The following LEMD1 variants were observed in gnomAD, a reference collection of about 807,000 sequenced individuals.
The protein encoded by LEMD1 is LEM domain containing 1.
A neutral mutation model predicts 17.4 loss-of-function variants in LEMD1; 18 were observed. That is an observed-to-expected ratio of 1.04 (90% CI 0.72 to 1.54). The LOEUF (loss-of-function observed/expected upper bound fraction) is 1.54, where lower values mean the gene tolerates loss of function less well. LEMD1 is among the 40% of genes most tolerant of loss of function. The probability of loss-of-function intolerance (pLI) is 0.00; values close to 1 mark genes in which losing one functional copy is unlikely to be tolerated. For missense variants in LEMD1, 195 were observed against 210.4 expected (o/e 0.93, Z 0.45); for synonymous variants, 88 against 77.8 (o/e 1.13, Z -0.69).
intron 1 of LEMD1, among the ~76,000 whole-genome samples, chr1:205,421,485 T>C (rs1665956566): frequency 6.6e-6 from 1 of 152,222 alleles, no homozygotes; most frequent in African/African-American, 2.4e-5. Context: ...ATGACTTTGC[T>C]TTTGTTGGTG....
In LEMD1 at chr1:205,384,287, CCTT is replaced by C; in HGVS notation, c.345_347del (p.Arg116del). 1 of 1,485,804 alleles carries C rather than the reference CCTT, an allele frequency of 6.7e-7. No individual in the cohort carries two copies. Among genetic ancestry groups the C allele is most frequent in the South Asian group, 1.3e-5 (1 of 74,438 alleles). 92.0% of individuals were successfully genotyped at this position (1,485,804 alleles called of 1,614,324 possible). A position where few individuals can be genotyped will look rare whatever the true frequency, so the allele number is the denominator to read the frequency against. ...CCACATATGCTAAAAAACATCATTA[CCTT>C]CTTCCCTTGGAAGGCTTATAATCCA... On this transcript the variant is annotated inframe_deletion and splice_region_variant, in exon 5 of 6. Coordinates refer to ENST00000367153, the MANE Select transcript of LEMD1 (RefSeq NM_001199050.2).
At chr1:205,414,457 T>C (rs956877783) in intron 4 of LEMD1, among the ~76,000 whole-genome samples, 9 of 151,498 alleles carry the variant, frequency 5.9e-5, no homozygotes, top group Non-Finnish European at 1.0e-4. Flanking sequence ...TGGGGTCTCA[T>C]GCTATTGCCC....
In LEMD1 at chr1:205,384,296, C is replaced by A; in HGVS notation, c.339G>T (p.Lys113Asn). 6.7e-7 allele frequency: 1 copy of A among 1,502,758 alleles called. No individual in the cohort carries two copies. 93.1% of individuals were successfully genotyped at this position (1,502,758 alleles called of 1,614,324 possible). A position where few individuals can be genotyped will look rare whatever the true frequency, so the allele number is the denominator to read the frequency against. Residue 113 changes from lysine to asparagine, a missense_variant, in exon 5 of 6, where the codon AAG becomes AAT. Coordinates refer to ENST00000367153, the MANE Select transcript of LEMD1 (RefSeq NM_001199050.2). ...DTYCLDYKPSKGRRWAARAPS... is the reference protein window; with the variant it reads ...DTYCLDYKPSNGRRWAARAPS... ...CTAAAAAACATCATTACCTTCTTCC[C>A]TTGGAAGGCTTATAATCCAAGCAAT...
intron 4 of LEMD1, among the ~76,000 whole-genome samples, chr1:205,411,122 G>C (rs183571297): frequency 2.6e-4 from 36 of 136,722 alleles, no homozygotes; most frequent in African/African-American, 8.7e-4. Context: ...GAAGGAGGGA[G>C]GGAGGGAAAG....
Position 205,381,518 on chromosome 1 carries a change from G to C in LEMD1, c.*140C>G, listed in dbSNP as rs990560494. On this transcript the variant is annotated 3_prime_UTR_variant, in exon 6 of 6. Coordinates refer to ENST00000367153, the MANE Select transcript of LEMD1 (RefSeq NM_001199050.2). ...TTCCACCTGGCTGAGCCCAGACACC[G>C]ATCTGTGAGAGCAGCACAGTGCAAG... The C allele has an allele frequency of 2.5e-6, 2 of 794,062 alleles. No individual in the cohort carries two copies. Among genetic ancestry groups the C allele is most frequent in the East Asian group, 2.5e-5 (1 of 40,480 alleles). 49.2% of individuals were successfully genotyped at this position (794,062 alleles called of 1,614,324 possible). A position where few individuals can be genotyped will look rare whatever the true frequency, so the allele number is the denominator to read the frequency against.
upstream of LEMD1, among the ~76,000 whole-genome samples, chr1:205,424,605 G>A (rs1666031603): frequency 6.6e-6 from 1 of 152,182 alleles, no homozygotes; most frequent in Non-Finnish European, 1.5e-5. Context: ...AAAGAATGCT[G>A]CAGGAGCCCA....
upstream of LEMD1, among the ~76,000 whole-genome samples, chr1:205,424,747 G>T (rs910845779): frequency 6.6e-6 from 1 of 152,180 alleles, no homozygotes; most frequent in Admixed American, 6.5e-5. Context: ...AGTAAGTCGG[G>T]TTGAATAGGT....
At chr1:205,430,277 C>A (rs1351925426) in intron 1 of LEMD1, among the ~76,000 whole-genome samples, 1 of 152,226 alleles carries the variant, frequency 6.6e-6, no homozygotes, top group African/African-American at 2.4e-5. Context: ...AAGCCCCCAG[C>A]TCCTTCCCTC....
chr1:205,431,602 C>T lies in LEMD1; in HGVS notation c.-38-11028G>A, dbSNP rs191669962. Reference sequence around the variant, plus strand: ...GAAGGTTGGTGGAGGCAGAGTTCCACCCACTTTATAAGTAGGGGAAACTGA... The same window carrying T: ...GAAGGTTGGTGGAGGCAGAGTTCCATCCACTTTATAAGTAGGGGAAACTGA... On this transcript the variant is annotated intron_variant, in intron 1 of 3. Transcript: ENST00000367154. 5.9e-5 allele frequency among the ~76,000 whole-genome samples: 9 copies of T among 152,340 alleles called. No individual in the cohort carries two copies. The South Asian group carries it at 1.7e-3, about 28-fold the overall frequency.
intron 1 of LEMD1, among the ~76,000 whole-genome samples, chr1:205,433,923 C>A (rs1666165200): frequency 6.6e-6 from 1 of 152,182 alleles, no homozygotes; most frequent in Non-Finnish European, 1.5e-5. Flanking sequence ...GACTTGATGG[C>A]CTGATCTCTC....
chr1:205,436,039 T>C (rs769852043), intron 1 of LEMD1: 3 of 152,178 alleles, frequency 2.0e-5, no homozygotes, highest in Non-Finnish European at 4.4e-5. Context: ...GGGATAAAAA[T>C]AGCAGTGTTG....
At position 205,401,495 on chromosome 1, in the gene LEMD1, CTT is replaced by C. The variant is rs1259506117; in HGVS notation, c.270+14735_270+14736del. On this transcript the variant is annotated intron_variant, in intron 4 of 5. Coordinates refer to ENST00000367153, the MANE Select transcript of LEMD1 (RefSeq NM_001199050.2). The stretch of plus-strand genomic sequence containing the variant: ...TGTCTTTTGGCTGCATAAATGTCTT[CTT>C]TTGAGAAGTGTCTGTTCATATCCTT... Among the ~76,000 whole-genome samples, 318 of 138,130 alleles carry C rather than the reference CTT, an allele frequency of 2.3e-3. 2 individuals are homozygous for C. Among genetic ancestry groups the C allele is most frequent in the African/African-American group, 8.0e-3 (292 of 36,392 alleles). 90.6% of individuals were successfully genotyped at this position (138,130 alleles called of 152,430 possible).
At chr1:205,417,668 G>A (rs893824112) in intron 3 of LEMD1, among the ~76,000 whole-genome samples, 1 of 152,012 alleles carries the variant, frequency 6.6e-6, no homozygotes, top group African/African-American at 2.4e-5. Flanking sequence ...TCCTTTTCAA[G>A]TGAGGCCAGC....
At chr1:205,402,637 C>T (rs562228257) in intron 4 of LEMD1, among the ~76,000 whole-genome samples, 88 of 152,234 alleles carry the variant, frequency 5.8e-4, no homozygotes, top group Middle Eastern at 3.4e-3. Flanking sequence ...ACAACCATGT[C>T]GTCTGCAAAC....
At chr1:205,444,950 T>C (rs1666358331) in intron 1 of LEMD1, among the ~76,000 whole-genome samples, 1 of 143,200 alleles carries the variant, frequency 7.0e-6, no homozygotes, top group Non-Finnish European at 1.5e-5. Flanking sequence ...GGGTGTGCCC[T>C]CGACGCCTCT....
chr1:205,398,835 T>A (rs1185655383), intron 4 of LEMD1, among the ~76,000 whole-genome samples: 1 of 152,222 alleles, frequency 6.6e-6, no homozygotes, highest in Non-Finnish European at 1.5e-5. Flanking sequence ...GGGGTGTTGG[T>A]ATGTTCCGTG....
chr1:205,403,379 G>A (rs1246705679), intron 4 of LEMD1, among the ~76,000 whole-genome samples: 3 of 152,112 alleles, frequency 2.0e-5, no homozygotes. Context: ...CAATTTCAGA[G>A]CCTGTTATTG....
intron 3 of LEMD1, among the ~76,000 whole-genome samples, chr1:205,416,805 A>C (rs1054085177): frequency 1.2e-4 from 18 of 152,240 alleles, no homozygotes; most frequent in African/African-American, 4.3e-4. Context: ...GTGGAGTTGC[A>C]CATCCATTTT....
chr1:205,432,216 G>A (rs979501256), intron 1 of LEMD1, among the ~76,000 whole-genome samples: 1 of 152,212 alleles, frequency 6.6e-6, no homozygotes, highest in Non-Finnish European at 1.5e-5. Context: ...GCTGAAGAGT[G>A]GACAAGCATA....
Sources: allele counts gnomAD v4.1 joint callset (sites outside exome capture counted in the v4.1 genomes callset), GRCh38; gene constraint gnomAD v4.1.1; transcripts MANE v1.5; gene names NCBI Gene and HGNC (gene_info 2026-07-23, HGNC 2026-07-21).